TCF4: variants seen among roughly 807,000 people sequenced by gnomAD.
The protein encoded by TCF4 is SL3-3 enhancer factor 2.
Under a neutral mutation model 82.1 loss-of-function variants are expected in TCF4, and 3 were observed. The observed-to-expected ratio is 0.04, with a 90% CI of 0.02 to 0.09. TCF4 has a LOEUF of 0.09. Among genes scored for constraint, TCF4 ranks in the 10% least tolerant of loss-of-function variants. TCF4 has a pLI of 1.00. For synonymous variants in TCF4, 276 were observed against 309.6 expected (o/e 0.89, Z 1.14); for missense variants, 518 against 852.7 (o/e 0.61, Z 4.89).
chr18:55,440,467 A>C (rs2095418729), intron 5 of TCF4, among the ~76,000 whole-genome samples: 1 of 152,174 alleles, frequency 6.6e-6, no homozygotes, highest in Non-Finnish European at 1.5e-5. Context: ...TGTGTCTGAC[A>C]TCTGTCCCCA....
chr18:55,407,645 CAT>C lies in TCF4; in HGVS notation c.305-4129_305-4128del, dbSNP rs1392202121. Among the ~76,000 whole-genome samples, 215 of 100,048 alleles carry C rather than the reference CAT, an allele frequency of 2.1e-3. 2 individuals carry two copies. The highest frequency in any genetic ancestry group is 1.9e-3 in the Non-Finnish European group (103 of 54,482). 65.6% of individuals were successfully genotyped at this position (100,048 alleles called of 152,430 possible). ...ATGAGCAGGAAAGGCAAGCAACTTC[CAT>C]ATAAAAAAAAAAAAAAAAAAGTCAA... On this transcript the variant is annotated intron_variant, in intron 5 of 19. Transcript: ENST00000354452.
upstream of TCF4, among the ~76,000 whole-genome samples, chr18:55,591,589 C>T (rs575292093): frequency 4.6e-5 from 7 of 152,346 alleles, no homozygotes; most frequent in East Asian, 1.3e-3. Flanking sequence ...ACGATCTTGG[C>T]TCACTGCAAC....
chr18:55,314,869 A>C (rs901581461), intron 8 of TCF4, among the ~76,000 whole-genome samples: 1 of 152,204 alleles, frequency 6.6e-6, no homozygotes, highest in Admixed American at 6.5e-5. Flanking sequence ...ATTCCCACTT[A>C]AACAGGATCA....
intron 6 of TCF4, among the ~76,000 whole-genome samples, chr18:55,377,643 G>A (rs564006474): frequency 1.3e-5 from 2 of 152,186 alleles, no homozygotes; most frequent in Admixed American, 6.5e-5. Flanking sequence ...TTTCAAAAAG[G>A]ACTTTAAACC....
At chr18:55,522,234 C>G (rs1403730103) in intron 3 of TCF4, among the ~76,000 whole-genome samples, 1 of 152,170 alleles carries the variant, frequency 6.6e-6, no homozygotes, top group East Asian at 1.9e-4. Context: ...TGGAGACCAG[C>G]ATACCTCTTT....
At chr18:55,355,428 G>A (rs2083269471) in intron 6 of TCF4, among the ~76,000 whole-genome samples, 2 of 152,150 alleles carry the variant, frequency 1.3e-5, no homozygotes, top group Non-Finnish European at 2.9e-5. Context: ...AATAGTTGCT[G>A]CTGAATGTGC....
chr18:55,359,670 C>T (rs1484347422), intron 6 of TCF4, among the ~76,000 whole-genome samples: 1 of 152,212 alleles, frequency 6.6e-6, no homozygotes, highest in African/African-American at 2.4e-5. Flanking sequence ...TTGTCCTCAG[C>T]GTTCCTCCTG....
At chr18:55,366,386 A>G (rs1433285362) in intron 6 of TCF4, among the ~76,000 whole-genome samples, 1 of 152,236 alleles carries the variant, frequency 6.6e-6, no homozygotes, top group Non-Finnish European at 1.5e-5. Flanking sequence ...ATCTATATAT[A>G]CATTGCGGCT....
chr18:55,546,871 T>C (rs1408234764), intron 3 of TCF4: 2 of 152,274 alleles, frequency 1.3e-5, no homozygotes, highest in East Asian at 3.8e-4. Context: ...TTTCAGTCTT[T>C]GGAAAGAATG....
At chr18:55,465,938 T>C (rs1253229938) in intron 3 of TCF4, among the ~76,000 whole-genome samples, 5 of 152,168 alleles carry the variant, frequency 3.3e-5, no homozygotes, top group Admixed American at 2.0e-4. Flanking sequence ...ATAAGTACCA[T>C]AAGATTTCAA....
intron 6 of TCF4, among the ~76,000 whole-genome samples, chr18:55,372,913 A>G (rs1005092037): frequency 4.6e-5 from 7 of 152,222 alleles, no homozygotes; most frequent in Admixed American, 2.0e-4. Flanking sequence ...AATTTGAAAT[A>G]TGTGAGTTAG....
At chr18:55,635,839 A>T in exon 1 of TCF4, 1 of 1,563,596 alleles carries the variant, frequency 6.4e-7, no homozygotes. Context: ...CAAAATGATG[A>T]AGATGAAGGG....
rs976186516 is a variant in TCF4 at position 55,587,984 on chromosome 18, C to G, written c.-21+54G>C. 5 of 971,426 alleles carry G rather than the reference C, an allele frequency of 5.1e-6. No homozygotes were observed. The African/African-American group carries it at 8.9e-5, about 17-fold the overall frequency. The allele number at this position is 971,426 out of a possible 1,614,324, so 60.2% of individuals were successfully genotyped here. On this transcript the variant is annotated intron_variant, in intron 1 of 19. Transcript: ENST00000354452. ...GCGTGCGGGGCCGCCGAGCCCGAAC[C>G]CCGCGCCGCCGGGCGCCTCCGCCCC...
At chr18:55,458,599 G>A (rs1449433926) in intron 5 of TCF4, among the ~76,000 whole-genome samples, 1 of 152,102 alleles carries the variant, frequency 6.6e-6, no homozygotes, top group East Asian at 1.9e-4. Context: ...TGGCTCATCT[G>A]AAAAGTGGTT....
intron 3 of TCF4, among the ~76,000 whole-genome samples, chr18:55,543,763 CATAGTGTATTTCT>C (rs1463732339): frequency 2.0e-5 from 3 of 152,206 alleles, no homozygotes; most frequent in Admixed American, 2.0e-4. Flanking sequence ...GAAGAGGATA[CATAGTGTATTTCT>C]ATAGCTGAAA....
intron 3 of TCF4, among the ~76,000 whole-genome samples, chr18:55,509,932 T>C (rs2096806894): frequency 6.6e-6 from 1 of 152,226 alleles, no homozygotes; most frequent in Non-Finnish European, 1.5e-5. Context: ...TAACTTTCTT[T>C]GGAATTCTTC....
intron 8 of TCF4, among the ~76,000 whole-genome samples, chr18:55,340,899 G>A (rs1037048482): frequency 6.6e-6 from 1 of 152,126 alleles, no homozygotes; most frequent in Non-Finnish European, 1.5e-5. Context: ...GCTAGGAAGT[G>A]ACATAGCCCC....
intron 1 of TCF4, among the ~76,000 whole-genome samples, chr18:55,587,663 G>A (rs1033470603): frequency 4.0e-5 from 6 of 151,828 alleles, no homozygotes; most frequent in Non-Finnish European, 8.8e-5. Context: ...AGAAATTAAA[G>A]ATGAGCGTCT....
intron 5 of TCF4, chr18:55,422,101 A>AC (rs1491416147): frequency 6.1e-4 from 209 of 342,960 alleles, no homozygotes; most frequent in Middle Eastern, 2.9e-3. Flanking sequence ...GAAAAAGCAC[A>AC]AAAAAAAAAA....
Sources: allele counts gnomAD v4.1 joint callset (sites outside exome capture counted in the v4.1 genomes callset), GRCh38; gene constraint gnomAD v4.1.1; transcripts MANE v1.5; gene names NCBI Gene and HGNC (gene_info 2026-07-23, HGNC 2026-07-21).